The following RBPJ variants were observed in gnomAD, a reference collection of about 807,000 sequenced individuals.
The protein encoded by RBPJ is recombining binding protein suppressor of hairless.
A neutral mutation model predicts 67.8 loss-of-function variants in RBPJ; 9 were observed. The observed-to-expected ratio is 0.13, with a 90% CI of 0.08 to 0.23. The LOEUF (loss-of-function observed/expected upper bound fraction) is 0.23. Ranked by LOEUF, RBPJ falls within the 10% of genes least tolerant of loss-of-function variation. The pLI is 1.00. For synonymous variants in RBPJ, 198 were observed against 203.3 expected (o/e 0.97, Z 0.22); for missense variants, 305 against 595.6 (o/e 0.51, Z 5.08).
intron 1 of RBPJ, among the ~76,000 whole-genome samples, chr4:26,283,278 CT>C (rs1721342358): frequency 6.7e-6 from 1 of 150,276 alleles, no homozygotes; most frequent in African/African-American, 2.4e-5. Context: ...GGCGCAGTGG[CT>C]CACGCCTGTA....
chr4:26,203,038 A>T (rs1718044897), intron 1 of RBPJ, among the ~76,000 whole-genome samples: 1 of 152,106 alleles, frequency 6.6e-6, no homozygotes, highest in African/African-American at 2.4e-5. Context: ...GAAAGAAAAG[A>T]AAAGAAAAAT....
At chr4:26,210,362 G>T (rs1718341535) in intron 1 of RBPJ, among the ~76,000 whole-genome samples, 1 of 152,146 alleles carries the variant, frequency 6.6e-6, no homozygotes, top group South Asian at 2.1e-4. Flanking sequence ...GGGAGAAGAG[G>T]TTGAAGTCTA....
At chr4:26,216,586 G>A (rs926161850) in intron 1 of RBPJ, among the ~76,000 whole-genome samples, 1 of 152,090 alleles carries the variant, frequency 6.6e-6, no homozygotes, top group African/African-American at 2.4e-5. Context: ...GTTTGGACTT[G>A]GAGACAGTGG....
At chr4:26,179,420 G>A (rs900333466) in intron 1 of RBPJ, among the ~76,000 whole-genome samples, 10 of 151,604 alleles carry the variant, frequency 6.6e-5, no homozygotes, top group South Asian at 4.2e-4. Context: ...GAAGAGGTCC[G>A]GGGCTCTGGT....
At position 26,196,118 on chromosome 4, in the gene RBPJ, A is replaced by G. The variant is rs1717752853; in HGVS notation, c.-167+32504A>G. Among the ~76,000 whole-genome samples the G allele has an allele frequency of 2.0e-5, 3 of 152,198 alleles. No homozygotes were observed. In the South Asian group the frequency reaches 6.2e-4, roughly 32 times the overall value. On this transcript the variant is annotated intron_variant, in intron 1 of 4. Coordinates refer to the RBPJ transcript ENST00000512351. ...TAAATGCAAACATCCATCTACACAA[A>G]ACTTGTAAGTGAGTGGTCATAGCAG... is the stretch of plus-strand genomic sequence containing the variant.
At chr4:26,394,598 A>G (rs1014667814) in intron 2 of RBPJ, among the ~76,000 whole-genome samples, 4 of 152,340 alleles carry the variant, frequency 2.6e-5, no homozygotes, top group African/African-American at 9.6e-5. Flanking sequence ...CTTAGTTGCA[A>G]TGCAGTTATG....
chr4:26,211,824 C>T (rs1405903224), intron 1 of RBPJ, among the ~76,000 whole-genome samples: 1 of 152,122 alleles, frequency 6.6e-6, no homozygotes, highest in Non-Finnish European at 1.5e-5. Context: ...GAAATAGGGT[C>T]ATTATAGAAG....
chr4:26,316,440 CATATACATTCAT>C (rs1264449579), upstream of RBPJ, among the ~76,000 whole-genome samples: 954 of 132,246 alleles, frequency 7.2e-3, 78 homozygotes, highest in African/African-American at 0.024. Context: ...TATATACATT[CATATACATTCAT>C]ATATACATTC....
Position 26,358,020 on chromosome 4 carries a change from CGTGTGTGTGT to C in RBPJ, c.21-28310_21-28301del, listed in dbSNP as rs4069724. ...TTTTGTATGTTTTTGAGGGGGTATT[CGTGTGTGTGT>C]GTGTGTGTGTGTGTGTGTGTGTATT... On this transcript the variant is annotated intron_variant, in intron 1 of 10. Transcript: ENST00000355476. Among the ~76,000 whole-genome samples, 486 of 145,116 alleles carry C rather than the reference CGTGTGTGTGT, an allele frequency of 3.3e-3. 2 individuals carry two copies. Among genetic ancestry groups the C allele is most frequent in the African/African-American group, 0.011 (446 of 39,044 alleles).
intron 1 of RBPJ, among the ~76,000 whole-genome samples, chr4:26,211,701 C>A (rs1718428172): frequency 2.0e-5 from 3 of 152,212 alleles, no homozygotes; most frequent in South Asian, 4.1e-4. Context: ...GGGTAGACAG[C>A]AAACAAAGAA....
intron 1 of RBPJ, among the ~76,000 whole-genome samples, chr4:26,242,325 G>C (rs903016491): frequency 6.6e-6 from 1 of 152,004 alleles, no homozygotes; most frequent in African/African-American, 2.4e-5. Context: ...GCGGGCGCCT[G>C]TAGTCCCAGC....
chr4:26,294,304 G>A lies in RBPJ; in HGVS notation c.-166-68142G>A, dbSNP rs183177642. Among the ~76,000 whole-genome samples, 793 of 151,788 alleles carry A rather than the reference G, an allele frequency of 5.2e-3. 9 individuals are homozygous for A. Among genetic ancestry groups the A allele is most frequent in the African/African-American group, 0.018 (765 of 41,384 alleles). On this transcript the variant is annotated intron_variant, in intron 1 of 4. Coordinates refer to the RBPJ transcript ENST00000512351. ...AGTAGAGACAGGGTTTCACCATCTT[G>A]GCCAGGCTAGTCTTGAACTCCTGAC...
upstream of RBPJ, among the ~76,000 whole-genome samples, chr4:26,316,832 T>C (rs1577420581): frequency 7.4e-6 from 1 of 134,428 alleles, no homozygotes. Flanking sequence ...GACGACTTTT[T>C]TTTTTTTTTT....
At chr4:26,312,903 G>A (rs1279964636) in intron 1 of RBPJ, among the ~76,000 whole-genome samples, 1 of 152,262 alleles carries the variant, frequency 6.6e-6, no homozygotes, top group East Asian at 1.9e-4. Context: ...AAGATGATAG[G>A]TCACATACGT....
intron 1 of RBPJ, among the ~76,000 whole-genome samples, chr4:26,199,535 C>T (rs1222874846): frequency 6.6e-6 from 1 of 152,170 alleles, no homozygotes; most frequent in Non-Finnish European, 1.5e-5. Context: ...GGCAATTCTT[C>T]GAGGTCAGTA....
At chr4:26,111,958 C>G in the RBPJ span, 1 of 212,510 alleles carries the variant, frequency 4.7e-6, no homozygotes, top group South Asian at 9.1e-5. Flanking sequence ...TCAGAAGATG[C>G]TGTCCAGAGA....
chr4:26,384,734 T>C (rs1188844999), intron 1 of RBPJ: 1 of 151,948 alleles, frequency 6.6e-6, no homozygotes, highest in Non-Finnish European at 1.5e-5. Context: ...TTACTAGCTA[T>C]TATTGAGTAT....
At chr4:26,369,733 C>T (rs1307527851) in intron 1 of RBPJ, among the ~76,000 whole-genome samples, 2 of 152,132 alleles carry the variant, frequency 1.3e-5, no homozygotes, top group African/African-American at 4.8e-5. Context: ...ACTAGATACT[C>T]CATTGCTCTC....
At chr4:26,362,386 G>C (rs1728157067) in intron 1 of RBPJ, 1 of 1,040,536 alleles carries the variant, frequency 9.6e-7, no homozygotes, top group South Asian at 2.1e-5. Context: ...AGTTAACACA[G>C]TGCACTAGCA....
Sources: allele counts gnomAD v4.1 joint callset (sites outside exome capture counted in the v4.1 genomes callset), GRCh38; gene constraint gnomAD v4.1.1; transcripts MANE v1.5; gene names NCBI Gene and HGNC (gene_info 2026-07-23, HGNC 2026-07-21).